UPF2: variants seen among roughly 807,000 people sequenced by gnomAD.
UPF2 encodes the protein regulator of nonsense transcripts 2.
A neutral mutation model predicts 141.4 loss-of-function variants in UPF2; 17 were observed. The ratio of observed to expected loss-of-function variants is 0.12; its 90% CI spans 0.08 to 0.18. The LOEUF (loss-of-function observed/expected upper bound fraction) is 0.18. Among genes scored for constraint, UPF2 ranks in the 10% least tolerant of loss-of-function variants. The pLI is 1.00. For synonymous variants in UPF2, 540 were observed against 498.0 expected (o/e 1.08, Z -1.12); for missense variants, 1,152 against 1,515.9 (o/e 0.76, Z 3.99).
intron 19 of UPF2, among the ~76,000 whole-genome samples, chr10:11,934,344 CAGAT>C (rs1034242624): frequency 6.6e-6 from 1 of 152,102 alleles, no homozygotes; most frequent in African/African-American, 2.4e-5. Context: ...ATTTTCCTCA[CAGAT>C]AGAGAATGGA....
chr10:11,986,305 GTTTATGTTT>G (rs752853732), intron 8 of UPF2, among the ~76,000 whole-genome samples: 2 of 152,082 alleles, frequency 1.3e-5, no homozygotes, highest in Non-Finnish European at 2.9e-5. Context: ...ATAAAATCTT[GTTTATGTTT>G]TTAAGGTCTC....
intron 3 of UPF2, among the ~76,000 whole-genome samples, chr10:12,018,636 T>C (rs1050161124): frequency 6.6e-6 from 1 of 150,898 alleles, no homozygotes; most frequent in African/African-American, 2.4e-5. Flanking sequence ...CCTACAGTCC[T>C]AGCTACTCAG....
chr10:12,031,597 G>C (rs544112386), intron 2 of UPF2, among the ~76,000 whole-genome samples: 1 of 152,182 alleles, frequency 6.6e-6, no homozygotes, highest in South Asian at 2.1e-4. Context: ...AACATAGTAA[G>C]ACCCAATCTC....
In UPF2 at chr10:11,929,978, C is replaced by T. The variant is rs1564334313; in HGVS notation, c.3696G>A (p.Leu1232=). ...RQEQEDYQEM[L]QSLAQRPAPA... ...GAGCTGGGCGCTGTGCAAGAGACTG[C>T]AACATTTCTGTAATTAGGAGCAAAA... is the stretch of plus-strand genomic sequence containing the variant. Residue 1232 remains leucine, a synonymous_variant, in exon 21 of 22, where the codon TTG becomes TTA. Transcript: ENST00000357604. 2 of 1,614,092 alleles carry T rather than the reference C, an allele frequency of 1.2e-6. No individual in the cohort carries two copies. The highest frequency in any genetic ancestry group is 1.7e-6 in the Non-Finnish European group (2 of 1,179,988).
chr10:11,982,565 G>A (rs564306292), intron 8 of UPF2, among the ~76,000 whole-genome samples: 75 of 152,198 alleles, frequency 4.9e-4, no homozygotes, highest in African/African-American at 1.6e-3. Flanking sequence ...GTTTTGACCC[G>A]TTCCGAATAC....
In UPF2 at chr10:11,959,484, G is replaced by T; in HGVS notation, c.2185-128C>A. Reference sequence around the variant, plus strand: ...GTTAGAAAGGCAAAGAAAGGACTGGGCACTGTGGCTCACACCTATAATCCC... The same window carrying T: ...GTTAGAAAGGCAAAGAAAGGACTGGTCACTGTGGCTCACACCTATAATCCC... On this transcript the variant is annotated intron_variant, in intron 11 of 21. Coordinates refer to ENST00000357604, the MANE Select transcript of UPF2 (RefSeq NM_015542.4). This position sits in a 1 kb window ranked among gnomAD's most constrained non-coding sequence, Gnocchi z 5.9. 1 of 976,098 alleles carries T rather than the reference G, an allele frequency of 1.0e-6. No homozygotes were observed. Among genetic ancestry groups the T allele is most frequent in the Non-Finnish European group, 1.4e-6 (1 of 694,932 alleles). The allele number at this position is 976,098 out of a possible 1,614,324, so 60.5% of individuals were successfully genotyped here.
Position 12,014,765 on chromosome 10 carries a change from C to T in UPF2, c.1146-581G>A, listed in dbSNP as rs1357266587. Reference sequence around the variant, plus strand: ...TGAATAGGTTCAAAAGAAACAGAATCAGTTATCCTTAAACTTCCATAATGA... The same window carrying T: ...TGAATAGGTTCAAAAGAAACAGAATTAGTTATCCTTAAACTTCCATAATGA... On this transcript the variant is annotated intron_variant, in intron 3 of 21. Transcript: ENST00000357604. The surrounding 1 kb of genome is among the most constrained non-coding windows in gnomAD (Gnocchi z 5.0). Among the ~76,000 whole-genome samples the T allele has an allele frequency of 6.6e-6, 1 of 152,162 alleles. No homozygotes were observed. Among genetic ancestry groups the T allele is most frequent in the East Asian group, 1.9e-4 (1 of 5,208 alleles).
upstream of UPF2, chr10:12,043,079 G>A (rs1834769917): frequency 6.6e-6 from 1 of 152,310 alleles, no homozygotes; most frequent in African/African-American, 2.4e-5. Context: ...GCTCATATGA[G>A]TGCCATTCAC....
At chr10:11,927,001 C>G (rs190385915) in intron 21 of UPF2, among the ~76,000 whole-genome samples, 1 of 152,360 alleles carries the variant, frequency 6.6e-6, no homozygotes, top group East Asian at 1.9e-4. Flanking sequence ...TATCTCCTGC[C>G]TGGTCCTTAA....
At chr10:11,967,229 T>C in intron 10 of UPF2, 112 bp downstream of exon 10, 2 of 622,848 alleles carry the variant, frequency 3.2e-6, no homozygotes, top group South Asian at 4.1e-5. Flanking sequence ...TTTCTTCCTT[T>C]CTTGGTCTTC....
chr10:11,982,120 T>G (rs2131232759), intron 8 of UPF2, among the ~76,000 whole-genome samples: 1 of 152,346 alleles, frequency 6.6e-6, no homozygotes, highest in African/African-American at 2.4e-5. Context: ...TTTACAAATT[T>G]TAGTTAGAAT....
chr10:12,023,379 A>G (rs2131299038), intron 3 of UPF2, among the ~76,000 whole-genome samples: 1 of 152,238 alleles, frequency 6.6e-6, no homozygotes, highest in Admixed American at 6.5e-5. Context: ...AATGTATAAC[A>G]AAAAATAATA....
At position 11,956,626 on chromosome 10, in the gene UPF2, A is replaced by C; in HGVS notation, c.2371-103T>G. ...TGATTGCGCAGAGAACTTTTGAAAT[A>C]GAAAATACATTAGAAATCCTCTATC... On this transcript the variant is annotated intron_variant, in intron 12 of 21. Transcript: ENST00000357604. The surrounding 1 kb of genome is among the most constrained non-coding windows in gnomAD (Gnocchi z 4.2). 2.0e-6 allele frequency: 2 copies of C among 1,001,638 alleles called. No homozygotes were observed. Among genetic ancestry groups the C allele is most frequent in the Non-Finnish European group, 3.0e-6 (2 of 671,526 alleles). 62.0% of individuals were successfully genotyped at this position (1,001,638 alleles called of 1,614,324 possible).
chr10:11,978,786 A>G (rs1833547327), intron 9 of UPF2, among the ~76,000 whole-genome samples: 1 of 152,178 alleles, frequency 6.6e-6, no homozygotes, highest in Non-Finnish European at 1.5e-5. Context: ...ACCCTGGAGA[A>G]TGATTTCTAC....
rs757220622 is a variant in UPF2, at chr10:11,979,539, C to CA, written c.1845-375dup. 6.6e-6 allele frequency among the ~76,000 whole-genome samples: 1 copy of CA among 152,188 alleles called. No individual in the cohort carries two copies. Among genetic ancestry groups the CA allele is most frequent in the Non-Finnish European group, 1.5e-5 (1 of 68,032 alleles). Reference sequence around the variant, plus strand: ...TCAAGGTAACTTCTCTAGTGCAAGACAAAATCCTTTAAAGCCATTTCCTTC... The same window carrying CA: ...TCAAGGTAACTTCTCTAGTGCAAGACAAAAATCCTTTAAAGCCATTTCCTTC... On this transcript the variant is annotated intron_variant, in intron 8 of 21. Transcript: ENST00000357604. The surrounding 1 kb of genome is among the most constrained non-coding windows in gnomAD (Gnocchi z 6.2).
At position 11,964,129 on chromosome 10, in the gene UPF2, C is replaced by T; in HGVS notation, c.2068-4G>A. The stretch of plus-strand genomic sequence containing the variant: ...GAGAGAAGTCTGACAGAAGCATCTG[C>T]AACAGGAAGAATGATGAAAACTACA... On this transcript the variant is annotated splice_region_variant and splice_polypyrimidine_tract_variant and intron_variant, in intron 10 of 21. Coordinates refer to ENST00000357604, the MANE Select transcript of UPF2 (RefSeq NM_015542.4). 6.2e-7 allele frequency: 1 copy of T among 1,602,290 alleles called. No individual in the cohort carries two copies. Among genetic ancestry groups the T allele is most frequent in the Non-Finnish European group, 8.5e-7 (1 of 1,171,012 alleles).
chr10:12,015,949 A>T (rs1834210999), intron 3 of UPF2, among the ~76,000 whole-genome samples: 1 of 152,162 alleles, frequency 6.6e-6, no homozygotes, highest in Non-Finnish European at 1.5e-5. Context: ...ATAATAAGCC[A>T]GGCTAAAAAG....
intron 8 of UPF2, among the ~76,000 whole-genome samples, chr10:11,990,792 T>C (rs1025365940): frequency 1.3e-5 from 2 of 151,104 alleles, no homozygotes; most frequent in Admixed American, 6.6e-5. Context: ...ATCGAGACCA[T>C]CCTGGCTAAC....
chr10:11,923,046 A>G (rs758690424), intron 21 of UPF2: 24 of 152,208 alleles, frequency 1.6e-4, no homozygotes, highest in Non-Finnish European at 3.5e-4. Flanking sequence ...AAACAAAATA[A>G]AACAACAACA....
Sources: allele counts gnomAD v4.1 joint callset (sites outside exome capture counted in the v4.1 genomes callset), GRCh38; gene constraint gnomAD v4.1.1; non-coding constraint Gnocchi (gnomAD v3.1); transcripts MANE v1.5; gene names NCBI Gene and HGNC (gene_info 2026-07-23, HGNC 2026-07-21).